EYS: variants seen among roughly 807,000 people sequenced by gnomAD.
EYS encodes protein eyes shut homolog.
In EYS, 250 loss-of-function variants were observed where a neutral mutation model predicts 282.1. The observed-to-expected ratio is 0.89, with a 90% CI of 0.80 to 0.98. EYS has a LOEUF of 0.98. EYS is among the 50% of genes least tolerant of loss of function. EYS has a pLI of 0.00. For missense variants in EYS, 4,016 were observed against 3,709.0 expected, an observed-to-expected ratio of 1.08 and a Z score of -2.15; for synonymous variants, 1,355 against 1,282.9, an observed-to-expected ratio of 1.06 and a Z score of -1.20.
chr6:65,113,839 TAAAC>T (rs1775290862), intron 12 of EYS, among the ~76,000 whole-genome samples: 3 of 152,018 alleles, frequency 2.0e-5, no homozygotes, highest in Admixed American at 1.3e-4. Context: ...CAGAATAAGT[TAAAC>T]AAAGAGAAAG....
rs59076949 is a variant in EYS, at chr6:64,655,076, C to T, written c.3444-28831G>A. Among the ~76,000 whole-genome samples, 271 of 152,236 alleles carry T rather than the reference C, an allele frequency of 1.8e-3. 2 individuals carry two copies. The highest frequency in any genetic ancestry group is 6.2e-3 in the African/African-American group (259 of 41,546). ...AAAAACGTGAAAAAAATCGATCCAT[C>T]AAAGAACTTATCATTCATGTAATCA... is the stretch of plus-strand genomic sequence containing the variant. On this transcript the variant is annotated intron_variant, in intron 22 of 42. Coordinates refer to ENST00000503581, the MANE Select transcript of EYS (RefSeq NM_001142800.2).
At chr6:65,097,957 T>C (rs1774787099) in intron 12 of EYS, among the ~76,000 whole-genome samples, 1 of 150,862 alleles carries the variant, frequency 6.6e-6, no homozygotes, top group African/African-American at 2.4e-5. Context: ...ATTTTCCCTG[T>C]AAAATATTAT....
intron 22 of EYS, among the ~76,000 whole-genome samples, chr6:64,787,450 CTT>C (rs140289342): frequency 6.6e-6 from 1 of 151,590 alleles, no homozygotes; most frequent in East Asian, 1.9e-4. Context: ...TTTTTAAAAA[CTT>C]TGTTTTTTTT....
At chr6:65,120,414 G>C (rs1218343550) in intron 12 of EYS, among the ~76,000 whole-genome samples, 1 of 135,902 alleles carries the variant, frequency 7.4e-6, no homozygotes, top group African/African-American at 2.9e-5. Context: ...GACTGACATG[G>C]CTCATTATCA....
rs764353988 is a variant in EYS, at chr6:64,326,937, G to A, written c.6079-19855C>T. Among the ~76,000 whole-genome samples, 254 of 152,224 alleles carry A rather than the reference G, an allele frequency of 1.7e-3. 3 individuals are homozygous for A. Among genetic ancestry groups the A allele is most frequent in the Admixed American group, 6.7e-3 (103 of 15,280 alleles). ...GGGCATGATGACTAGTCCAACCCGA[G>A]GGGGTTGGGAACACTGGGAGAGGCC... On this transcript the variant is annotated intron_variant, in intron 29 of 42. Transcript: ENST00000503581.
chr6:64,492,866 G>T (rs1296429300), intron 26 of EYS, among the ~76,000 whole-genome samples: 1 of 151,380 alleles, frequency 6.6e-6, no homozygotes, highest in Non-Finnish European at 1.5e-5. Flanking sequence ...GTTTCAGTCA[G>T]TGCCTTCTCT....
intron 1 of EYS, among the ~76,000 whole-genome samples, chr6:65,682,118 T>C (rs2149838857): frequency 6.6e-6 from 1 of 152,142 alleles, no homozygotes; most frequent in Middle Eastern, 3.4e-3. Context: ...TGCAATATTG[T>C]TGAATAAAGT....
At chr6:64,863,520 G>C (rs1335917489) in intron 19 of EYS, among the ~76,000 whole-genome samples, 1 of 151,982 alleles carries the variant, frequency 6.6e-6, no homozygotes, top group African/African-American at 2.4e-5. Context: ...CAGTATATAA[G>C]GTTTGCATAT....
intron 5 of EYS, chr6:65,489,599 C>A (rs1040108542): frequency 3.3e-5 from 5 of 152,044 alleles, no homozygotes; most frequent in African/African-American, 1.2e-4. Context: ...CTAGAAATAC[C>A]ATTTGACCCA....
chr6:64,522,084 A>G (rs539379419), intron 26 of EYS, among the ~76,000 whole-genome samples: 1 of 151,908 alleles, frequency 6.6e-6, no homozygotes, highest in Non-Finnish European at 1.5e-5. Flanking sequence ...AGACTTTAAG[A>G]AGATATTTGA....
chr6:65,544,343 C>A (rs1015486371), intron 2 of EYS, among the ~76,000 whole-genome samples: 3 of 152,118 alleles, frequency 2.0e-5, no homozygotes, highest in African/African-American at 7.2e-5. Flanking sequence ...TGGCCGGTAA[C>A]TTTGGCTAAA....
At chr6:64,679,307 C>T (rs1266576218) in intron 22 of EYS, among the ~76,000 whole-genome samples, 1 of 152,014 alleles carries the variant, frequency 6.6e-6, no homozygotes. Context: ...TAGCTTTTCT[C>T]GGGCACTTTA....
chr6:63,931,973 A>G (rs193107049), intron 35 of EYS, among the ~76,000 whole-genome samples: 1 of 151,724 alleles, frequency 6.6e-6, no homozygotes, highest in Non-Finnish European at 1.5e-5. Context: ...TCTATTCTCT[A>G]CTTCTATGAG....
chr6:65,309,671 G>A (rs1470627310), intron 11 of EYS, among the ~76,000 whole-genome samples: 7 of 152,164 alleles, frequency 4.6e-5, no homozygotes, highest in Non-Finnish European at 1.0e-4. Flanking sequence ...CTTAAAGTGT[G>A]ATTATGGGAA....
At chr6:65,473,947 A>T (rs1015741188) in intron 5 of EYS, among the ~76,000 whole-genome samples, 8 of 151,908 alleles carry the variant, frequency 5.3e-5, no homozygotes, top group African/African-American at 1.9e-4. Flanking sequence ...GGTTCTTGGG[A>T]CTTTTGTGGA....
At chr6:65,169,631 CAT>C (rs1429459019) in intron 12 of EYS, among the ~76,000 whole-genome samples, 1 of 151,284 alleles carries the variant, frequency 6.6e-6, no homozygotes, top group African/African-American at 2.4e-5. Flanking sequence ...AAAAATTAAA[CAT>C]AAGACTGTGT....
At position 63,729,633 on chromosome 6, in the gene EYS, G is replaced by C. The variant is rs554831568; in HGVS notation, c.8072-2953C>G. Among the ~76,000 whole-genome samples the C allele has an allele frequency of 2.0e-5, 3 of 151,610 alleles. No individual in the cohort carries two copies. The South Asian group carries it at 6.3e-4, about 32-fold the overall frequency. Reference sequence around the variant, plus strand: ...CTTCCTCTTTTGTCAAAGAGCAGTTGACTCTATTTTGTGGCATAATATTTT... The same window carrying C: ...CTTCCTCTTTTGTCAAAGAGCAGTTCACTCTATTTTGTGGCATAATATTTT... On this transcript the variant is annotated intron_variant, in intron 41 of 42. Coordinates refer to ENST00000503581, the MANE Select transcript of EYS (RefSeq NM_001142800.2).
chr6:65,158,363 A>G (rs1764776772), intron 12 of EYS, among the ~76,000 whole-genome samples: 1 of 150,936 alleles, frequency 6.6e-6, no homozygotes, highest in Non-Finnish European at 1.5e-5. Context: ...AATAGGCCTA[A>G]TAATTTATCT....
chr6:64,827,069 T>C (rs1206885210), intron 19 of EYS, among the ~76,000 whole-genome samples: 3 of 151,786 alleles, frequency 2.0e-5, no homozygotes, highest in African/African-American at 7.2e-5. Context: ...CAAATCTGAA[T>C]CTCTGAGAAA....
Sources: allele counts gnomAD v4.1 joint callset (sites outside exome capture counted in the v4.1 genomes callset), GRCh38; gene constraint gnomAD v4.1.1; transcripts MANE v1.5; gene names NCBI Gene and HGNC (gene_info 2026-07-23, HGNC 2026-07-21).